Variants in LRIG2 observed in about 807,000 individuals in gnomAD.
LRIG2 encodes the protein leucine rich repeats and immunoglobulin like domains 2.
Under a neutral mutation model 107.8 loss-of-function variants are expected in LRIG2, and 93 were observed. That is an observed-to-expected ratio of 0.86 (90% CI 0.73 to 1.03). The LOEUF (loss-of-function observed/expected upper bound fraction) is 1.03, where lower values mean the gene tolerates loss of function less well. LRIG2 is among the 50% of genes least tolerant of loss of function. The pLI is 0.00. For missense variants in LRIG2, 1,226 were observed against 1,296.0 expected (o/e 0.95, Z 0.83); for synonymous variants, 471 against 470.6 (o/e 1.00, Z -0.01).
At chr1:113,097,653 G>T (rs571813944) in intron 8 of LRIG2, among the ~76,000 whole-genome samples, 99 of 152,284 alleles carry the variant, frequency 6.5e-4, no homozygotes, top group African/African-American at 2.3e-3. Context: ...ATTACTTTTA[G>T]AATTAAAGTT....
rs778623883 is a variant in LRIG2 at position 113,112,469 on chromosome 1, C to G, written c.1799-10C>G. On this transcript the variant is annotated splice_polypyrimidine_tract_variant and intron_variant, in intron 13 of 17. Coordinates refer to ENST00000361127, the MANE Select transcript of LRIG2 (RefSeq NM_014813.3). ...TGCCCACTTTTTCTTGGTGATTTTT[C>G]TGGAAACAGAGATGCCATCTTTTCT... 4.4e-6 allele frequency: 7 copies of G among 1,589,736 alleles called. No individual in the cohort carries two copies. In the African/African-American group the frequency reaches 8.1e-5, roughly 18 times the overall value.
chr1:113,077,385 G>T (rs1448073765), intron 1 of LRIG2, among the ~76,000 whole-genome samples: 1 of 152,008 alleles, frequency 6.6e-6, no homozygotes, highest in Non-Finnish European at 1.5e-5. Flanking sequence ...CAGGTGATCC[G>T]CCCACCTTGG....
chr1:113,117,835 G>A lies in LRIG2; in HGVS notation c.2681-1398G>A, dbSNP rs113818506. On this transcript the variant is annotated intron_variant, in intron 16 of 17. Transcript: ENST00000361127. ...AAAGTCTGTTCTTTGAAGTATGTGG[G>A]AAATAACACTGCTTTCTGGGTTAAA... Among the ~76,000 whole-genome samples, 232 of 152,140 alleles carry A rather than the reference G, an allele frequency of 1.5e-3. 1 individual carries two copies. The highest frequency in any genetic ancestry group is 2.6e-3 in the Non-Finnish European group (178 of 68,010).
intron 17 of LRIG2, among the ~76,000 whole-genome samples, chr1:113,123,303 G>A (rs1201341137): frequency 2.0e-5 from 3 of 152,092 alleles, no homozygotes; most frequent in South Asian, 2.1e-4. Flanking sequence ...GGCCGGGCAC[G>A]GTGGCTCACG....
chr1:113,114,611 T>G lies in LRIG2; in HGVS notation c.2265T>G (p.Asp755Glu), dbSNP rs41296184. ...CCAATCAGCTTCTCATCATTGTAGATGCCGGGCTAGAAGATGCTGGGAAAT... is the reference window on the plus strand; with the variant it reads ...CCAATCAGCTTCTCATCATTGTAGAGGCCGGGCTAGAAGATGCTGGGAAAT... ...AAANQLLIIV[D>E]AGLEDAGKYT... is the part of the protein sequence containing the mutation. Residue 755 changes from aspartate (D) to glutamate (E), a missense_variant, in exon 15 of 18, where the codon GAT (aspartate) becomes GAG (glutamate). By Grantham distance (45) the Asp-to-Glu change is conservative. Transcript: ENST00000361127. The G allele has an allele frequency of 0.016, 25,549 of 1,614,138 alleles. 239 individuals are homozygous for G. The highest frequency in any genetic ancestry group is 0.02 in the East Asian group (904 of 44,878).
intron 11 of LRIG2, chr1:113,100,805 T>C: frequency 5.1e-6 from 1 of 195,254 alleles, no homozygotes; most frequent in Non-Finnish European, 1.1e-5. Flanking sequence ...AAACATGTGT[T>C]ACCAGTTCTT....
chr1:113,101,753 T>A (rs1216811), intron 11 of LRIG2, among the ~76,000 whole-genome samples: 3 of 152,178 alleles, frequency 2.0e-5, no homozygotes, highest in African/African-American at 4.8e-5. Flanking sequence ...CTCAGTTTCT[T>A]TTCCCAGAAT....
chr1:113,115,946 T>A (rs1183964132), intron 15 of LRIG2, among the ~76,000 whole-genome samples: 2 of 152,206 alleles, frequency 1.3e-5, no homozygotes, highest in Admixed American at 1.3e-4. Context: ...TCTCTTTTTT[T>A]CCCTTGAATA....
intron 4 of LRIG2, 148 bp from the exon 5 acceptor site, chr1:113,094,191 A>G: frequency 1.8e-6 from 1 of 556,454 alleles, no homozygotes; most frequent in Admixed American, 3.6e-5. Context: ...GTAGATGAAG[A>G]AACAGAGCAG....
intron 6 of LRIG2, among the ~76,000 whole-genome samples, 183 bp from the exon 7 acceptor site, chr1:113,095,691 G>C (rs1654030731): frequency 1.3e-5 from 2 of 152,210 alleles, no homozygotes; most frequent in African/African-American, 4.8e-5. Flanking sequence ...ACAGGCATGA[G>C]CCACTGTGCC....
At chr1:113,092,534 AAGAG>A (rs1177741688) in intron 2 of LRIG2, among the ~76,000 whole-genome samples, 1 of 128,414 alleles carries the variant, frequency 7.8e-6, no homozygotes, top group Non-Finnish European at 1.7e-5. Flanking sequence ...TATTTAGAGA[AAGAG>A]AGATCTGGAT....
Position 113,073,638 on chromosome 1 carries a change from G to A in LRIG2, c.232G>A (p.Ala78Thr), listed in dbSNP as rs760177506. ...ALSGLLPPDT[A>T]ILDFSHNRLS... ...GTCGGGCTTGCTGCCCCCCGACACC[G>A]CTATCCTGTGAGTAGAGCGGCCAGG... is the stretch of plus-strand genomic sequence containing the variant. Residue 78 changes from alanine to threonine, a missense_variant, in exon 1 of 18, where the codon GCT becomes ACT. Ala to Thr is a moderately conservative substitution (Grantham distance 58). This residue lies in a region of LRIG2 where 570 missense variants were observed against 550.2 expected (regional missense o/e 1.04). Transcript: ENST00000361127. 3.7e-6 allele frequency: 6 copies of A among 1,612,078 alleles called. No homozygotes were observed. Among genetic ancestry groups the A allele is most frequent in the South Asian group, 1.1e-5 (1 of 91,038 alleles).
At chr1:113,095,840 G>A in intron 6 of LRIG2, 34 bp from the exon 7 acceptor site, 1 of 1,613,028 alleles carries the variant, frequency 6.2e-7, no homozygotes, top group South Asian at 1.1e-5. Flanking sequence ...CCTTGTTTTG[G>A]AACGTATTTT....
Position 113,094,671 on chromosome 1 carries a change from CCTT to C in LRIG2, c.720_722del (p.Leu241del). On this transcript the variant is annotated inframe_deletion, in exon 6 of 18. Transcript: ENST00000361127. ...GGTCTTACATTCCAAGGGCTTGACTCCTTAAGATCTTTGAAAATGCAGCGGAAT... is the reference window on the plus strand; with the variant it reads ...GGTCTTACATTCCAAGGGCTTGACTCAAGATCTTTGAAAATGCAGCGGAAT... The C allele has an allele frequency of 1.9e-6, 3 of 1,613,890 alleles. No homozygotes were observed. Among genetic ancestry groups the C allele is most frequent in the Non-Finnish European group, 2.5e-6 (3 of 1,179,880 alleles).
rs934786223 is a variant in LRIG2, at chr1:113,126,111, T to C, written c.*2010T>C. 9 of 152,206 alleles carry C rather than the reference T, an allele frequency of 5.9e-5. No homozygotes were observed. Among genetic ancestry groups the C allele is most frequent in the Non-Finnish European group, 1.3e-4 (9 of 68,040 alleles). 9.4% of individuals were successfully genotyped at this position (152,206 alleles called of 1,614,324 possible). A position where few individuals can be genotyped will look rare whatever the true frequency, so the allele number is the denominator to read the frequency against. ...TTCTGATTGTGTCTGGAGAACGTTTTCCTGGAAAGGCATTCCATGTTCCAA... is the reference window on the plus strand; with the variant it reads ...TTCTGATTGTGTCTGGAGAACGTTTCCCTGGAAAGGCATTCCATGTTCCAA... On this transcript the variant is annotated 3_prime_UTR_variant, in exon 18 of 18. Coordinates refer to ENST00000361127, the MANE Select transcript of LRIG2 (RefSeq NM_014813.3).
chr1:113,089,044 G>C (rs1314173921), intron 1 of LRIG2, among the ~76,000 whole-genome samples: 1 of 152,192 alleles, frequency 6.6e-6, no homozygotes, highest in East Asian at 1.9e-4. Context: ...GTTATGTCAT[G>C]GTGTAAATTA....
At chr1:113,075,350 A>G (rs1415855586) in intron 1 of LRIG2, among the ~76,000 whole-genome samples, 3 of 152,244 alleles carry the variant, frequency 2.0e-5, no homozygotes, top group Non-Finnish European at 2.9e-5. Flanking sequence ...ATTTGCAAAT[A>G]GGTTAGCACA....
At chr1:113,107,960 A>G in intron 12 of LRIG2, 1 of 534,396 alleles carries the variant, frequency 1.9e-6, no homozygotes, top group South Asian at 2.7e-5. Context: ...GGTATTTGGT[A>G]GTCAGATTCC....
intron 1 of LRIG2, among the ~76,000 whole-genome samples, chr1:113,076,194 CGG>C (rs895531795): frequency 1.4e-5 from 2 of 147,280 alleles, no homozygotes; most frequent in Non-Finnish European, 3.0e-5. Flanking sequence ...TCAGTAGAGA[CGG>C]GGTTTCACCA....
Sources: gnomAD v4.1 joint callset for allele counts (sites outside exome capture counted in the v4.1 genomes callset) on GRCh38, gnomAD v4.1.1 for gene constraint, gnomAD v4.1.1 regional missense constraint, MANE v1.5 for transcripts, NCBI Gene and HGNC (gene_info 2026-07-23, HGNC 2026-07-21) for gene names.